Variants in MAS1 observed in about 807,000 individuals in gnomAD.
The protein encoded by MAS1 is proto-oncogene Mas.
For missense variants in MAS1, 387 were observed against 409.7 expected, an observed-to-expected ratio of 0.94 and a Z score of 0.48; for synonymous variants, 163 against 164.2, an observed-to-expected ratio of 0.99 and a Z score of 0.05.
chr6:159,890,956 T>A (rs1179753192), upstream of MAS1, among the ~76,000 whole-genome samples: 1 of 152,190 alleles, frequency 6.6e-6, no homozygotes, highest in Non-Finnish European at 1.5e-5. Context: ...TTGGCACATC[T>A]CAAATATTTT....
intron 2 of MAS1, chr6:159,902,300 G>A (rs935620772): frequency 1.3e-5 from 2 of 152,158 alleles, no homozygotes; most frequent in African/African-American, 4.8e-5. Context: ...TTGCATAAGC[G>A]ACTTTGGTTT....
intron 1 of MAS1, among the ~76,000 whole-genome samples, chr6:159,894,490 T>A (rs1354589565): frequency 1.4e-5 from 2 of 146,432 alleles, no homozygotes; most frequent in East Asian, 2.0e-4. Context: ...TAAGAAGAGA[T>A]CCAGCGAAGG....
intron 2 of MAS1, chr6:159,901,989 G>A (rs567293879): frequency 3.9e-5 from 6 of 152,232 alleles, no homozygotes; most frequent in African/African-American, 1.4e-4. Context: ...TATTGTGAAA[G>A]GAAAGGGTAG....
chr6:159,891,730 T>A (rs1485018253), intron 1 of MAS1, among the ~76,000 whole-genome samples: 2 of 152,192 alleles, frequency 1.3e-5, no homozygotes, highest in Non-Finnish European at 2.9e-5. Context: ...CTGCCCAGTC[T>A]TGATCTTTGG....
chr6:159,903,840 A>G (rs1408589348), intron 2 of MAS1, among the ~76,000 whole-genome samples: 1 of 152,100 alleles, frequency 6.6e-6, no homozygotes, highest in Non-Finnish European at 1.5e-5. Flanking sequence ...ACAGCCCCCA[A>G]GAGGGTTGTC....
chr6:159,894,839 T>C (rs966102691), intron 1 of MAS1, among the ~76,000 whole-genome samples: 3 of 152,244 alleles, frequency 2.0e-5, no homozygotes, highest in African/African-American at 7.2e-5. Flanking sequence ...ATAATAGTGA[T>C]AGCTAGGAGC....
chr6:159,914,968 T>G lies in MAS1; in HGVS notation c.*7035T>G, dbSNP rs922234877. 1.3e-5 allele frequency: 2 copies of G among 152,314 alleles called. No individual in the cohort carries two copies. Among genetic ancestry groups the G allele is most frequent in the Admixed American group, 1.3e-4 (2 of 15,288 alleles). 9.4% of individuals were successfully genotyped at this position (152,314 alleles called of 1,614,324 possible). ...GATTGTTTCTCTTACCAGTTCTGGCTTCTTTCAATTCTGTGGACCTAGGGG... is the reference window on the plus strand; with the variant it reads ...GATTGTTTCTCTTACCAGTTCTGGCGTCTTTCAATTCTGTGGACCTAGGGG... On this transcript the variant is annotated 3_prime_UTR_variant, in exon 3 of 3. Transcript: ENST00000674077.
intron 1 of MAS1, among the ~76,000 whole-genome samples, chr6:159,893,487 G>A (rs1782723338): frequency 6.6e-6 from 1 of 152,260 alleles, no homozygotes; most frequent in South Asian, 2.1e-4. Context: ...GGCAGACATA[G>A]GCAACCATTC....
Position 159,910,860 on chromosome 6 carries a change from G to T in MAS1, c.*2927G>T, listed in dbSNP as rs1037140984. 6.6e-6 allele frequency: 1 copy of T among 152,206 alleles called. No homozygotes were observed. Among genetic ancestry groups the T allele is most frequent in the Non-Finnish European group, 1.5e-5 (1 of 68,060 alleles). The allele number at this position is 152,206 out of a possible 1,614,324, so 9.4% of individuals were successfully genotyped here. A position where few individuals can be genotyped will look rare whatever the true frequency, so the allele number is the denominator to read the frequency against. The stretch of plus-strand genomic sequence containing the variant: ...GCAGCCTGACCATCATAGAGAGATT[G>T]GTCCAGATAGGAAGGTGAGTAACTT... On this transcript the variant is annotated 3_prime_UTR_variant, in exon 3 of 3. Transcript: ENST00000674077.
At chr6:159,895,333 C>T (rs536336249) in intron 1 of MAS1, among the ~76,000 whole-genome samples, 3 of 152,268 alleles carry the variant, frequency 2.0e-5, no homozygotes, top group East Asian at 1.9e-4. Context: ...GGGTGGTTTG[C>T]AGTATCTGCA....
intron 2 of MAS1, among the ~76,000 whole-genome samples, chr6:159,901,393 C>A (rs573064214): frequency 2.0e-5 from 3 of 152,128 alleles, no homozygotes; most frequent in Non-Finnish European, 4.4e-5. Flanking sequence ...AGGGGGATTG[C>A]TTGAGGTCAG....
rs149411886 is a variant in MAS1, at chr6:159,894,602, T to C, written c.-244+3469T>C. Among the ~76,000 whole-genome samples the C allele has an allele frequency of 8.0e-3, 1,211 of 152,042 alleles. 13 individuals carry two copies. Among genetic ancestry groups the C allele is most frequent in the African/African-American group, 0.028 (1,151 of 41,458 alleles). ...AGACAAGAGGCGAGGAGACGTGAAG[T>C]GGGGTTCCATAGCAACATTCATGCA... On this transcript the variant is annotated intron_variant, in intron 1 of 2. Coordinates refer to ENST00000674077, the MANE Select transcript of MAS1 (RefSeq NM_002377.4).
Position 159,907,854 on chromosome 6 carries a change from C to A in MAS1, c.899C>A (p.Thr300Asn), listed in dbSNP as rs748613074. 1 of 1,611,758 alleles carries A rather than the reference C, an allele frequency of 6.2e-7. No homozygotes were observed. The highest frequency in any genetic ancestry group is 8.5e-7 in the Non-Finnish European group (1 of 1,179,668). The change falls in exon 3 of 3, where the codon ACC (threonine) becomes AAC (asparagine). Residue 300 changes from threonine (T) to asparagine (N), a missense_variant. Transcript: ENST00000674077. ...RFKESLKVVL[T>N]RAFKDEMQPR... ...AAGGAGTCCTTAAAAGTTGTTCTGACCAGGGCTTTCAAAGATGAAATGCAA... is the reference window on the plus strand; with the variant it reads ...AAGGAGTCCTTAAAAGTTGTTCTGAACAGGGCTTTCAAAGATGAAATGCAA...
Position 159,908,161 on chromosome 6 carries a change from G to T in MAS1, c.*228G>T. 1 of 418,670 alleles carries T rather than the reference G, an allele frequency of 2.4e-6. No homozygotes were observed. The allele number at this position is 418,670 out of a possible 1,614,324, so 25.9% of individuals were successfully genotyped here. ...TCTATTTCTTTCAGCTCTTTTGGCA[G>T]CATCTTACCATGAACCATAAAAATG... On this transcript the variant is annotated 3_prime_UTR_variant, in exon 3 of 3. Coordinates refer to ENST00000674077, the MANE Select transcript of MAS1 (RefSeq NM_002377.4).
Position 159,912,107 on chromosome 6 carries a change from C to T in MAS1, c.*4174C>T, listed in dbSNP as rs1429205871. 1 of 152,284 alleles carries T rather than the reference C, an allele frequency of 6.6e-6. No individual in the cohort carries two copies. The highest frequency in any genetic ancestry group is 1.9e-4 in the East Asian group (1 of 5,194). 9.4% of individuals were successfully genotyped at this position (152,284 alleles called of 1,614,324 possible). A position where few individuals can be genotyped will look rare whatever the true frequency, so the allele number is the denominator to read the frequency against. The stretch of plus-strand genomic sequence containing the variant: ...TCCCTGCCACACATACTGGTTGTTT[C>T]TCTGGAGACAGCATTGTATGCACTG... On this transcript the variant is annotated 3_prime_UTR_variant, in exon 3 of 3. Coordinates refer to ENST00000674077, the MANE Select transcript of MAS1 (RefSeq NM_002377.4).
intron 2 of MAS1, among the ~76,000 whole-genome samples, chr6:159,906,038 C>G (rs1405493849): frequency 1.3e-5 from 2 of 150,224 alleles, no homozygotes; most frequent in Non-Finnish European, 3.0e-5. Context: ...AAGTCTCTGT[C>G]TCAAAAAAAA....
upstream of MAS1, among the ~76,000 whole-genome samples, chr6:159,890,402 G>T (rs138389050): frequency 2.0e-5 from 3 of 152,278 alleles, no homozygotes; most frequent in East Asian, 3.9e-4. Flanking sequence ...CGCAGTCTGG[G>T]CATGGCCAAT....
chr6:159,906,889 T>C, intron 2 of MAS1, 31 bp from the exon 3 acceptor site: 1 of 1,468,042 alleles, frequency 6.8e-7, no homozygotes, highest in Non-Finnish European at 9.2e-7. Flanking sequence ...CATGGCTTTT[T>C]GTGTTTGTTT....
Position 159,909,449 on chromosome 6 carries a change from C to T in MAS1, c.*1516C>T, listed in dbSNP as rs1473344663. 1 of 152,208 alleles carries T rather than the reference C, an allele frequency of 6.6e-6. No homozygotes were observed. Among genetic ancestry groups the T allele is most frequent in the Non-Finnish European group, 1.5e-5 (1 of 68,048 alleles). 9.4% of individuals were successfully genotyped at this position (152,208 alleles called of 1,614,324 possible). A position where few individuals can be genotyped will look rare whatever the true frequency, so the allele number is the denominator to read the frequency against. On this transcript the variant is annotated 3_prime_UTR_variant, in exon 3 of 3. Coordinates refer to ENST00000674077, the MANE Select transcript of MAS1 (RefSeq NM_002377.4). ...GGCAGCTTCGCTGGGGGAGAGGAGT[C>T]TGTCCCCTCGAGCAAGGACCCCACT...
Sources: allele counts gnomAD v4.1 joint callset (sites outside exome capture counted in the v4.1 genomes callset), GRCh38; gene constraint gnomAD v4.1.1; transcripts MANE v1.5; gene names NCBI Gene and HGNC (gene_info 2026-07-23, HGNC 2026-07-21).